Variants in SLC38A10 observed in about 807,000 individuals in gnomAD.
The protein encoded by SLC38A10 is Sodium-coupled neutral amino acid transporter 10.
Under a neutral mutation model 81.0 loss-of-function variants are expected in SLC38A10, and 53 were observed. The ratio of observed to expected loss-of-function variants is 0.65; its 90% CI spans 0.53 to 0.82. The LOEUF is 0.82. SLC38A10 is among the 40% of genes least tolerant of loss of function. SLC38A10 has a pLI of 0.00. For missense variants in SLC38A10, 1,471 were observed against 1,545.0 expected (o/e 0.95, Z 0.80); for synonymous variants, 665 against 655.3 (o/e 1.01, Z -0.23).
chr17:81,251,928 C>A (rs117662702), intron 13 of SLC38A10: 12,968 of 548,486 alleles, frequency 0.024, 219 homozygotes, highest in South Asian at 0.043. Context: ...CGCCGCCCCC[C>A]GTGTGCGCCC....
At chr17:81,250,760 C>G in intron 14 of SLC38A10, 3 of 919,808 alleles carry the variant, frequency 3.3e-6, no homozygotes, top group Non-Finnish European at 3.9e-6. Flanking sequence ...GGACATGGCA[C>G]AGAAGCCTGT....
chr17:81,257,356 AC>A (rs2062982086), intron 11 of SLC38A10, among the ~76,000 whole-genome samples: 1 of 152,062 alleles, frequency 6.6e-6, no homozygotes. Flanking sequence ...CTGGCCTCCC[AC>A]AGTGCTGAGA....
intron 1 of SLC38A10, among the ~76,000 whole-genome samples, chr17:81,290,254 C>G (rs563461047): frequency 6.6e-6 from 1 of 152,286 alleles, no homozygotes; most frequent in South Asian, 2.1e-4. Context: ...TAACTGCACC[C>G]CTAGGTATTC....
intron 14 of SLC38A10, among the ~76,000 whole-genome samples, chr17:81,247,997 A>G (rs1164578275): frequency 3.8e-4 from 43 of 112,618 alleles, no homozygotes; most frequent in Admixed American, 1.4e-3. Context: ...TCACTCTGTC[A>G]CCCAGGCTGG....
chr17:81,291,336 A>C (rs1393875919), intron 1 of SLC38A10, among the ~76,000 whole-genome samples: 1 of 151,630 alleles, frequency 6.6e-6, no homozygotes, highest in African/African-American at 2.4e-5. Flanking sequence ...ACACACAAAA[A>C]ATTAGCCAGG....
intron 5 of SLC38A10, 150 bp downstream of exon 5, chr17:81,282,039 G>T: frequency 8.5e-7 from 1 of 1,181,408 alleles, no homozygotes; most frequent in Non-Finnish European, 1.2e-6. Flanking sequence ...GAGATGAATG[G>T]CACTTCCTGG....
At position 81,289,756 on chromosome 17, in the gene SLC38A10, T is replaced by C; in HGVS notation, c.152A>G (p.His51Arg). 6.2e-7 allele frequency: 1 copy of C among 1,609,978 alleles called. No homozygotes were observed. The highest frequency in any genetic ancestry group is 2.2e-5 in the East Asian group (1 of 44,684). The change falls in exon 2 of 16, where the codon CAC (histidine) becomes CGC (arginine). Residue 51 changes from histidine to arginine, a missense_variant. By Grantham distance (29) the His-to-Arg change is conservative. Around this residue, in one of 2 missense-constraint regions of SLC38A10, gnomAD observed 720 missense variants for 827.7 expected, o/e 0.87. Coordinates refer to ENST00000374759, the MANE Select transcript of SLC38A10 (RefSeq NM_001037984.3). This position sits in a 1 kb window ranked among gnomAD's most constrained non-coding sequence, Gnocchi z 5.9. ...CTTCACCAAGAACATGCACGACTGG[T>C]GCGTCATCCATGAGCAGAAGACCAA... ...LLLVFCSWMT[H>R]QSCMFLVKSA...
chr17:81,245,766 C>T lies in SLC38A10; in HGVS notation c.3150G>A (p.Arg1050=), dbSNP rs57072484. 13 of 1,596,762 alleles carry T rather than the reference C, an allele frequency of 8.1e-6. No individual in the cohort carries two copies. The South Asian group carries it at 1.4e-4, about 18-fold the overall frequency. The part of the protein sequence containing the change: ...DLKLQAGSDL[R]RRRRDLGPHA... The stretch of plus-strand genomic sequence containing the variant: ...GAGGGCCAAGGTCCCGCCGTCGCCT[C>T]CGGAGGTCGGAGCCAGCCTGCAGTT... The change falls in exon 16 of 16, where the codon CGG becomes CGA. Residue 1050 remains arginine, a synonymous_variant. Transcript: ENST00000374759.
rs2063168251 is a variant in SLC38A10, at chr17:81,277,038, T to C, written c.722A>G (p.Tyr241Cys). 6.2e-7 allele frequency: 1 copy of C among 1,613,752 alleles called. No homozygotes were observed. ...GCGTGGCAAGGCTCTTACCATGACG[T>C]AGAAGGTGGTGACCACATTAAGGGA... is the stretch of plus-strand genomic sequence containing the variant. ...ASSLNVVTTF[Y>C]VMVGFFGYVS... Residue 241 changes from tyrosine (Y) to cysteine (C), a missense_variant, in exon 7 of 16, where the codon TAC (tyrosine) becomes TGC (cysteine). Coordinates refer to ENST00000374759, the MANE Select transcript of SLC38A10 (RefSeq NM_001037984.3). This position sits in a 1 kb window ranked among gnomAD's most constrained non-coding sequence, Gnocchi z 4.5.
intron 11 of SLC38A10, among the ~76,000 whole-genome samples, chr17:81,255,737 G>A (rs781505971): frequency 2.6e-5 from 4 of 152,278 alleles, no homozygotes; most frequent in Admixed American, 6.5e-5. Context: ...GGCTCACTCC[G>A]GTAATCCCAG....
intron 14 of SLC38A10, among the ~76,000 whole-genome samples, chr17:81,247,999 C>G (rs1489731729): frequency 1.4e-5 from 2 of 143,536 alleles, no homozygotes; most frequent in African/African-American, 5.2e-5. Flanking sequence ...ACTCTGTCAC[C>G]CAGGCTGGAG....
chr17:81,282,462 G>C, intron 4 of SLC38A10, 130 bp from the exon 5 acceptor site: 8 of 1,301,004 alleles, frequency 6.1e-6, no homozygotes, highest in Non-Finnish European at 8.4e-6. Context: ...ACGCCGGCGG[G>C]TCTGAGGCTG....
At position 81,283,987 on chromosome 17, in the gene SLC38A10, G is replaced by A. The variant is rs1169049817; in HGVS notation, c.264-485C>T. On this transcript the variant is annotated intron_variant, in intron 3 of 15. Transcript: ENST00000374759. This position sits in a 1 kb window ranked among gnomAD's most constrained non-coding sequence, Gnocchi z 4.7. ...TGGCGCTCGCTATGTCACTTGGCAT[G>A]CACACCAAACGACACTCAGCTTTTC... Among the ~76,000 whole-genome samples, 4 of 152,028 alleles carry A rather than the reference G, an allele frequency of 2.6e-5. No homozygotes were observed. The highest frequency in any genetic ancestry group is 6.6e-5 in the Admixed American group (1 of 15,260).
Position 81,286,512 on chromosome 17 carries a change from T to C in SLC38A10, c.218-1617A>G, listed in dbSNP as rs931338430. On this transcript the variant is annotated intron_variant, in intron 2 of 15. Transcript: ENST00000374759. This position sits in a 1 kb window ranked among gnomAD's most constrained non-coding sequence, Gnocchi z 6.0. ...CCCCAGGTTCAAACACCAGCCCCAG[T>C]TGGACTGACCCCACTCCTTCACATC... Among the ~76,000 whole-genome samples, 8 of 152,254 alleles carry C rather than the reference T, an allele frequency of 5.3e-5. No homozygotes were observed. Among genetic ancestry groups the C allele is most frequent in the Middle Eastern group, 3.4e-3 (1 of 294 alleles).
In SLC38A10 at chr17:81,277,164, C is replaced by G. The variant is rs749744211; in HGVS notation, c.627-31G>C. ...TAGAAACAGGCCATTTCACAGCGGA[C>G]CTGAGAGAGGCACGCCCTCCCCAGC... On this transcript the variant is annotated intron_variant, in intron 6 of 15. Coordinates refer to ENST00000374759, the MANE Select transcript of SLC38A10 (RefSeq NM_001037984.3). The surrounding 1 kb of genome is among the most constrained non-coding windows in gnomAD (Gnocchi z 4.5). 6.2e-7 allele frequency: 1 copy of G among 1,605,026 alleles called. No individual in the cohort carries two copies. The highest frequency in any genetic ancestry group is 1.1e-5 in the South Asian group (1 of 90,758).
In SLC38A10 at chr17:81,280,869, C is replaced by G. The variant is rs541809844; in HGVS notation, c.502-136G>C. ...ACCCACATCCCAGCCCCCCACCACCCTGTGCCGCCCTGTGCCGCCTTGTGC... is the reference window on the plus strand; with the variant it reads ...ACCCACATCCCAGCCCCCCACCACCGTGTGCCGCCCTGTGCCGCCTTGTGC... On this transcript the variant is annotated intron_variant, in intron 5 of 15. Transcript: ENST00000374759. 2.9e-3 allele frequency: 3,512 copies of G among 1,217,254 alleles called. 8 individuals carry two copies. The highest frequency in any genetic ancestry group is 3.6e-3 in the Non-Finnish European group (3,314 of 908,568). The allele number at this position is 1,217,254 out of a possible 1,614,324, so 75.4% of individuals were successfully genotyped here.
At chr17:81,261,268 C>T (rs991967416) in intron 10 of SLC38A10, among the ~76,000 whole-genome samples, 1 of 152,246 alleles carries the variant, frequency 6.6e-6, no homozygotes, top group Non-Finnish European at 1.5e-5. Flanking sequence ...GCTATGTTAG[C>T]GAACACACTG....
chr17:81,259,081 C>A (rs924795815), intron 11 of SLC38A10, among the ~76,000 whole-genome samples: 1 of 152,210 alleles, frequency 6.6e-6, no homozygotes, highest in African/African-American at 2.4e-5. Context: ...CACAGGAGTG[C>A]GGAGCTCAGA....
intron 8 of SLC38A10, among the ~76,000 whole-genome samples, chr17:81,273,072 A>G (rs532353393): frequency 6.6e-6 from 1 of 152,180 alleles, no homozygotes; most frequent in East Asian, 1.9e-4. Flanking sequence ...AAACACACGC[A>G]CACATGGCCG....
Sources: gnomAD v4.1 joint callset for allele counts (sites outside exome capture counted in the v4.1 genomes callset) on GRCh38, gnomAD v4.1.1 for gene constraint, gnomAD v4.1.1 regional missense constraint, Gnocchi (gnomAD v3.1) non-coding constraint, MANE v1.5 for transcripts, NCBI Gene and HGNC (gene_info 2026-07-23, HGNC 2026-07-21) for gene names.